The following DPP10 variants were observed in gnomAD, a reference collection of about 807,000 sequenced individuals.
DPP10 encodes inactive dipeptidyl peptidase 10.
In DPP10, 33 loss-of-function variants were observed where a neutral mutation model predicts 120.9. That is an observed-to-expected ratio of 0.27 (90% CI 0.21 to 0.37). The LOEUF (loss-of-function observed/expected upper bound fraction) is 0.37. Ranked by LOEUF, DPP10 falls within the 10% of genes least tolerant of loss-of-function variation. The pLI is 1.00. For synonymous variants in DPP10, 337 were observed against 326.1 expected, an observed-to-expected ratio of 1.03 and a Z score of -0.36; for missense variants, 816 against 942.8, an observed-to-expected ratio of 0.87 and a Z score of 1.76.
intron 3 of DPP10, among the ~76,000 whole-genome samples, chr2:115,470,316 G>T (rs1210241349): frequency 6.6e-6 from 1 of 152,146 alleles, no homozygotes; most frequent in African/African-American, 2.4e-5. Flanking sequence ...AAAAATTTTA[G>T]AGGACAACCC....
chr2:114,601,216 C>T (rs1020414441), intron 1 of DPP10, among the ~76,000 whole-genome samples: 29 of 151,846 alleles, frequency 1.9e-4, no homozygotes, highest in African/African-American at 7.0e-4. Flanking sequence ...GGTTCTTCAT[C>T]GAGTTTAGAG....
intron 1 of DPP10, among the ~76,000 whole-genome samples, chr2:114,523,749 C>T (rs1390565284): frequency 6.6e-6 from 1 of 152,094 alleles, no homozygotes; most frequent in Admixed American, 6.5e-5. Context: ...CTCAGAGGGT[C>T]AGCCTCTTTA....
At chr2:115,642,818 T>G (rs2086895097) in intron 5 of DPP10, among the ~76,000 whole-genome samples, 1 of 152,076 alleles carries the variant, frequency 6.6e-6, no homozygotes, top group Non-Finnish European at 1.5e-5. Flanking sequence ...ATTATAGATT[T>G]AATATATACT....
At chr2:114,716,218 A>G (rs1701337912) in intron 1 of DPP10, among the ~76,000 whole-genome samples, 1 of 152,198 alleles carries the variant, frequency 6.6e-6, no homozygotes, top group Admixed American at 6.5e-5. Context: ...AATGAAATAA[A>G]TTAGTATTAC....
chr2:115,472,350 A>T (rs1019642859), intron 3 of DPP10, among the ~76,000 whole-genome samples: 1 of 152,216 alleles, frequency 6.6e-6, no homozygotes, highest in Non-Finnish European at 1.5e-5. Flanking sequence ...AATATGAACT[A>T]AAAATGCTAT....
chr2:115,017,355 A>G (rs2105140950), intron 1 of DPP10, among the ~76,000 whole-genome samples: 1 of 152,308 alleles, frequency 6.6e-6, no homozygotes, highest in East Asian at 1.9e-4. Flanking sequence ...GGGAAACAAC[A>G]GGTCCTGGAG....
At chr2:115,763,717 A>G (rs573815515) in intron 12 of DPP10, among the ~76,000 whole-genome samples, 49 of 152,246 alleles carry the variant, frequency 3.2e-4, no homozygotes, top group Middle Eastern at 6.8e-3. Flanking sequence ...CCTTTTTAAA[A>G]TATGCATTTA....
chr2:115,034,049 C>T (rs1441716396), intron 1 of DPP10, among the ~76,000 whole-genome samples: 1 of 151,678 alleles, frequency 6.6e-6, no homozygotes, highest in African/African-American at 2.4e-5. Context: ...AGGCATGTAC[C>T]ACCAAGCCCA....
intron 1 of DPP10, among the ~76,000 whole-genome samples, chr2:114,758,785 G>C (rs974261813): frequency 6.6e-6 from 1 of 152,112 alleles, no homozygotes; most frequent in Non-Finnish European, 1.5e-5. Context: ...AATCTCAACT[G>C]TATGTATGTT....
intron 1 of DPP10, among the ~76,000 whole-genome samples, chr2:114,859,055 G>C (rs1004380922): frequency 6.6e-6 from 1 of 151,928 alleles, no homozygotes; most frequent in African/African-American, 2.4e-5. Flanking sequence ...GGCCAGACGC[G>C]GTGGCTCACG....
In DPP10 at chr2:114,953,590, C is replaced by T. The variant is rs184669247; in HGVS notation, c.61-355649C>T. On this transcript the variant is annotated intron_variant, in intron 1 of 25. Coordinates refer to ENST00000410059, the MANE Select transcript of DPP10 (RefSeq NM_020868.6). ...TTATTATTCTGAGCGAAGGTCTCCA[C>T]GTGCCTACTCCCATTAACTTATAAA... Among the ~76,000 whole-genome samples the T allele has an allele frequency of 1.4e-3, 218 of 152,126 alleles. 1 individual carries two copies. The highest frequency in any genetic ancestry group is 2.6e-3 in the Admixed American group (39 of 15,288).
Position 115,255,397 on chromosome 2 carries a change from C to T in DPP10, c.61-53842C>T, listed in dbSNP as rs1371553537. Among the ~76,000 whole-genome samples, 8 of 152,310 alleles carry T rather than the reference C, an allele frequency of 5.3e-5. No individual in the cohort carries two copies. In the East Asian group the frequency reaches 9.7e-4, roughly 18 times the overall value. On this transcript the variant is annotated intron_variant, in intron 1 of 25. Transcript: ENST00000410059. ...AAAACCATTTTTCCTTCCTGTGCCT[C>T]TTGGCCTGTGATAGGAGGGGCTGCC... is the stretch of plus-strand genomic sequence containing the variant.
intron 1 of DPP10, among the ~76,000 whole-genome samples, chr2:114,624,603 C>T (rs1694355115): frequency 6.6e-6 from 1 of 151,854 alleles, no homozygotes; most frequent in African/African-American, 2.4e-5. Flanking sequence ...TTTTTAGACT[C>T]CCATCATGTG....
chr2:115,672,499 T>C (rs111634485), intron 5 of DPP10, among the ~76,000 whole-genome samples: 2,244 of 152,190 alleles, frequency 0.015, 44 homozygotes, highest in African/African-American at 0.048. Flanking sequence ...ATTATTATTT[T>C]CCTACAGATA....
chr2:115,274,529 G>T (rs1357621268), intron 1 of DPP10, among the ~76,000 whole-genome samples: 3 of 152,094 alleles, frequency 2.0e-5, no homozygotes, highest in Non-Finnish European at 4.4e-5. Context: ...TGTATAGCGT[G>T]TCCCCTGCCA....
At chr2:115,084,533 A>G (rs1005190623) in intron 1 of DPP10, among the ~76,000 whole-genome samples, 3 of 152,220 alleles carry the variant, frequency 2.0e-5, no homozygotes, top group Admixed American at 6.5e-5. Flanking sequence ...GTGCCTAAGC[A>G]GCTTGAATTT....
intron 1 of DPP10, among the ~76,000 whole-genome samples, chr2:115,025,481 T>C (rs1703394238): frequency 6.6e-6 from 1 of 152,162 alleles, no homozygotes; most frequent in East Asian, 1.9e-4. Flanking sequence ...AGGTATCTCT[T>C]TGATAGATTG....
At chr2:114,483,122 G>C (rs1681207987) in intron 1 of DPP10, among the ~76,000 whole-genome samples, 1 of 152,120 alleles carries the variant, frequency 6.6e-6, no homozygotes, top group Non-Finnish European at 1.5e-5. Flanking sequence ...TATCTTAACA[G>C]AATTGGTTGA....
chr2:114,812,026 C>A (rs559435598), intron 1 of DPP10, among the ~76,000 whole-genome samples: 3 of 152,180 alleles, frequency 2.0e-5, no homozygotes, highest in East Asian at 3.9e-4. Context: ...TTCCTCTATG[C>A]GAGTTTCCAA....
Sources: allele counts gnomAD v4.1 joint callset (sites outside exome capture counted in the v4.1 genomes callset), GRCh38; gene constraint gnomAD v4.1.1; transcripts MANE v1.5; gene names NCBI Gene and HGNC (gene_info 2026-07-23, HGNC 2026-07-21).